ZZEF1: variants seen among roughly 807,000 people sequenced by gnomAD.
ZZEF1 encodes the protein zinc finger ZZ-type and EF-hand domain containing 1, also known as zinc finger ZZ-type and EF-hand domain-containing protein 1.
In ZZEF1, 157 loss-of-function variants were observed where a neutral mutation model predicts 342.8. The ratio of observed to expected loss-of-function variants is 0.46; its 90% CI spans 0.40 to 0.52. The LOEUF (loss-of-function observed/expected upper bound fraction) is 0.52. Ranked by LOEUF, ZZEF1 falls within the 20% of genes least tolerant of loss-of-function variation. ZZEF1 has a pLI of 0.00. For synonymous variants in ZZEF1, 1,505 were observed against 1,429.1 expected, an observed-to-expected ratio of 1.05 and a Z score of -1.20; for missense variants, 3,480 against 3,725.6, an observed-to-expected ratio of 0.93 and a Z score of 1.72.
rs1298425386 is a variant in ZZEF1, at chr17:4,036,805, ACACACACACACACTCT to A, written c.6307-2529_6307-2514del. On this transcript the variant is annotated intron_variant, in intron 39 of 54. Transcript: ENST00000381638. Reference sequence around the variant, plus strand: ...CACACACACACACACACACACACACACACACACACACACTCTCTCTCTCTCTCTCTCTCTCTCTCCC... The same window carrying A: ...CACACACACACACACACACACACACACTCTCTCTCTCTCTCTCTCTCTCCC... 5.9e-4 allele frequency among the ~76,000 whole-genome samples: 55 copies of A among 93,498 alleles called. 1 individual carries two copies. Among genetic ancestry groups the A allele is most frequent in the African/African-American group, 7.6e-4 (8 of 10,526 alleles). The allele number at this position is 93,498 out of a possible 152,430, so 61.3% of individuals were successfully genotyped here.
In ZZEF1 at chr17:4,077,962, G is replaced by C. The variant is rs757803383; in HGVS notation, c.2910C>G (p.Ser970Arg). ...GCTGCAGGTAGCACCAGGATAGCAG[G>C]CTGCCTTGGACGGACCAGAACAGGG... Reference protein sequence around the residue: ...LFSLFWSVQGSLLSWCYLQLK... With the variant: ...LFSLFWSVQGRLLSWCYLQLK... Residue 970 changes from serine to arginine, a missense_variant, in exon 19 of 55, where the codon AGC becomes AGG. Physicochemically the swap from Ser to Arg is moderately radical, Grantham distance 110. This residue lies in a region of ZZEF1 where 1,528 missense variants were observed against 1,624.1 expected (regional missense o/e 0.94). Transcript: ENST00000381638. 1.5e-5 allele frequency: 25 copies of C among 1,614,144 alleles called. No homozygotes were observed. Among genetic ancestry groups the C allele is most frequent in the South Asian group, 3.3e-5 (3 of 91,084 alleles).
At chr17:4,047,452 C>T (rs116790483) in intron 37 of ZZEF1, among the ~76,000 whole-genome samples, 4,346 of 151,926 alleles carry the variant, frequency 0.029, 141 homozygotes, top group African/African-American at 0.084. Context: ...CGAGACCAAC[C>T]GGGTAACATG....
At chr17:4,104,471 A>C (rs2058177188) in intron 8 of ZZEF1, among the ~76,000 whole-genome samples, 162 bp downstream of exon 8, 1 of 152,162 alleles carries the variant, frequency 6.6e-6, no homozygotes, top group Non-Finnish European at 1.5e-5. Flanking sequence ...TGCCAATCCT[A>C]GTAAGGTCTG....
At chr17:4,101,820 G>A (rs2058131851) in intron 9 of ZZEF1, among the ~76,000 whole-genome samples, 1 of 152,072 alleles carries the variant, frequency 6.6e-6, no homozygotes. Context: ...ATTAGGGATG[G>A]GGTTTCACCA....
At chr17:4,031,513 T>C (rs1320598329) in intron 42 of ZZEF1, among the ~76,000 whole-genome samples, 1 of 152,040 alleles carries the variant, frequency 6.6e-6, no homozygotes, top group Non-Finnish European at 1.5e-5. Flanking sequence ...TGGTCCTGGA[T>C]CAAATGGATG....
chr17:4,052,875 G>A (rs1043681625), intron 34 of ZZEF1, among the ~76,000 whole-genome samples: 1 of 137,592 alleles, frequency 7.3e-6, no homozygotes, highest in South Asian at 2.2e-4. Flanking sequence ...TCGGGAGGGC[G>A]GCGGGGGAGA....
chr17:4,021,019 A>G (rs7215140), intron 45 of ZZEF1, 110 bp downstream of exon 45: 228,328 of 1,190,036 alleles, frequency 0.19, 23,302 homozygotes, highest in African/African-American at 0.29. Flanking sequence ...GTGAATTCTC[A>G]GGACAGCAGA....
At chr17:4,025,685 A>C (rs2056387584) in intron 42 of ZZEF1, among the ~76,000 whole-genome samples, 1 of 151,874 alleles carries the variant, frequency 6.6e-6, no homozygotes, top group Non-Finnish European at 1.5e-5. Context: ...CCGTCTCAAA[A>C]AAAAAAAAAA....
intron 26 of ZZEF1, 47 bp from the exon 27 acceptor site, chr17:4,067,289 C>T: frequency 6.7e-7 from 1 of 1,492,416 alleles, no homozygotes; most frequent in Non-Finnish European, 9.2e-7. Context: ...TAACACAATT[C>T]ACTACTGCAA....
chr17:4,110,001 G>A (rs1306264449), intron 5 of ZZEF1, 138 bp from the exon 6 acceptor site: 2 of 723,216 alleles, frequency 2.8e-6, no homozygotes, highest in African/African-American at 3.6e-5. Flanking sequence ...GAAATAAATA[G>A]CATGTGCAAT....
chr17:4,036,327 A>G lies in ZZEF1; in HGVS notation c.6307-2035T>C, dbSNP rs182318190. On this transcript the variant is annotated intron_variant, in intron 39 of 54. Coordinates refer to ENST00000381638, the MANE Select transcript of ZZEF1 (RefSeq NM_015113.4). ...TGTGCATTTAAAAATGTTTACCAGC[A>G]ATTCCTATAGTGTAGACTCCGCTAG... 1.3e-4 allele frequency among the ~76,000 whole-genome samples: 20 copies of G among 152,282 alleles called. No individual in the cohort carries two copies. The East Asian group carries it at 3.7e-3, about 28-fold the overall frequency.
intron 30 of ZZEF1, 31 bp downstream of exon 30, chr17:4,062,722 T>C: frequency 1.3e-6 from 2 of 1,554,912 alleles, no homozygotes; most frequent in Non-Finnish European, 1.7e-6. Context: ...ATCTTTGCTG[T>C]TTTCCTTCTG....
At chr17:4,010,119 T>C (rs2055907018) in intron 52 of ZZEF1, among the ~76,000 whole-genome samples, 1 of 149,728 alleles carries the variant, frequency 6.7e-6, no homozygotes, top group Non-Finnish European at 1.5e-5. Context: ...AGCCCAGGAG[T>C]TGGAGACCAA....
intron 14 of ZZEF1, among the ~76,000 whole-genome samples, chr17:4,086,911 C>G (rs1280134508): frequency 6.6e-6 from 1 of 152,146 alleles, no homozygotes; most frequent in Non-Finnish European, 1.5e-5. Flanking sequence ...GAGACCGAGT[C>G]TCACTCTGTC....
Position 4,042,475 on chromosome 17 carries a change from T to C in ZZEF1, c.6260A>G (p.Lys2087Arg). 6.2e-7 allele frequency: 1 copy of C among 1,613,926 alleles called. No individual in the cohort carries two copies. The change falls in exon 39 of 55, where the codon AAG (lysine) becomes AGG (arginine). Residue 2087 changes from lysine (K) to arginine (R), a missense_variant. This residue lies in a region of ZZEF1 where 1,269 missense variants were observed against 1,342.4 expected (regional missense o/e 0.95). Coordinates refer to ENST00000381638, the MANE Select transcript of ZZEF1 (RefSeq NM_015113.4). ...GGCTGCTAGTAATCCCAAAATCCTC[T>C]TCTGGGAACACTCAGCAAACACTTG... ...PEQVFAECSQ[K>R]RILGLLAAML...
At chr17:4,042,367 C>T (rs2145114727) in intron 39 of ZZEF1, 62 bp downstream of exon 39, 2 of 1,542,040 alleles carry the variant, frequency 1.3e-6, no homozygotes, top group East Asian at 2.3e-5. Context: ...CAGTATGTGG[C>T]TTTCCAAAAC....
At chr17:4,067,312 AAAATCT>A (rs2057420191) in intron 26 of ZZEF1, 70 bp from the exon 27 acceptor site, 2 of 1,292,332 alleles carry the variant, frequency 1.5e-6, no homozygotes, top group East Asian at 4.9e-5. Context: ...TTAAGCACAA[AAAATCT>A]AAATCTGCTG....
At position 4,070,675 on chromosome 17, in the gene ZZEF1, T is replaced by C. The variant is rs750781754; in HGVS notation, c.4075+9A>G. The C allele has an allele frequency of 3.1e-6, 5 of 1,612,738 alleles. No homozygotes were observed. The highest frequency in any genetic ancestry group is 2.7e-5 in the African/African-American group (2 of 74,868). On this transcript the variant is annotated intron_variant, in intron 26 of 54. Coordinates refer to ENST00000381638, the MANE Select transcript of ZZEF1 (RefSeq NM_015113.4). ...TTCAGATCAAAAATATTCCCTGTAA[T>C]AAAGTTACCATATTTTTGCAGCTTC...
intron 1 of ZZEF1, among the ~76,000 whole-genome samples, chr17:4,142,316 G>A (rs936713431): frequency 3.9e-5 from 6 of 152,258 alleles, no homozygotes; most frequent in Admixed American, 6.5e-5. Context: ...CATACAGAGA[G>A]AGACATATGG....
Sources: allele counts gnomAD v4.1 joint callset (sites outside exome capture counted in the v4.1 genomes callset), GRCh38; gene constraint gnomAD v4.1.1; regional missense constraint gnomAD v4.1.1; transcripts MANE v1.5; gene names NCBI Gene and HGNC (gene_info 2026-07-23, HGNC 2026-07-21).